MBD5: variants seen among roughly 807,000 people sequenced by gnomAD.
MBD5 encodes the protein methyl-CpG binding domain protein 5, also known as methyl-CpG-binding domain protein 5.
A neutral mutation model predicts 117.3 loss-of-function variants in MBD5; 13 were observed. The ratio of observed to expected loss-of-function variants is 0.11; its 90% CI spans 0.07 to 0.18. The LOEUF is 0.18. MBD5 is among the 10% of genes least tolerant of loss of function. The pLI, the probability that MBD5 is intolerant of heterozygous loss-of-function variation, is 1.00. For synonymous variants in MBD5, 727 were observed against 766.4 expected, an observed-to-expected ratio of 0.95 and a Z score of 0.85; for missense variants, 1,879 against 2,093.8, an observed-to-expected ratio of 0.90 and a Z score of 2.00.
intron 3 of MBD5, among the ~76,000 whole-genome samples, chr2:148,315,314 AC>A (rs1216474422): frequency 6.6e-6 from 1 of 152,198 alleles, no homozygotes; most frequent in Non-Finnish European, 1.5e-5. Flanking sequence ...AGCTGAAAGC[AC>A]CTCACCACAA....
intron 3 of MBD5, among the ~76,000 whole-genome samples, chr2:148,280,488 G>A (rs1701223922): frequency 6.6e-6 from 1 of 152,108 alleles, no homozygotes; most frequent in Non-Finnish European, 1.5e-5. Flanking sequence ...CTGAAGTGCA[G>A]TGGCACGATC....
intron 1 of MBD5, among the ~76,000 whole-genome samples, chr2:148,115,011 G>A (rs774057690): frequency 5.3e-5 from 8 of 151,944 alleles, no homozygotes; most frequent in Non-Finnish European, 1.2e-4. Context: ...TAAAGTATCT[G>A]CATATACATA....
intron 4 of MBD5, among the ~76,000 whole-genome samples, chr2:148,404,112 C>G (rs58702268): frequency 0.21 from 31,793 of 148,252 alleles, 4,041 homozygotes; most frequent in African/African-American, 0.35. Context: ...TTTTTATTGG[C>G]TGCTAGCATT....
Position 148,468,502 on chromosome 2 carries a change from C to A in MBD5, c.559C>A (p.Pro187Thr). 6.2e-7 allele frequency: 1 copy of A among 1,613,838 alleles called. No homozygotes were observed. Among genetic ancestry groups the A allele is most frequent in the Non-Finnish European group, 8.5e-7 (1 of 1,179,852 alleles). The stretch of plus-strand genomic sequence containing the variant: ...GGGAAGGCTATATGTACAAGAACTG[C>A]CTGGAAGCCAACAACAAGAACTCCA... Reference protein sequence around the residue: ...AMGRLYVQELPGSQQQELHPV... With the variant: ...AMGRLYVQELTGSQQQELHPV... Residue 187 changes from proline to threonine, a missense_variant, in exon 8 of 14, where the codon CCT becomes ACT. By Grantham distance (38) the Pro-to-Thr change is conservative. Around this residue, in one of 4 missense-constraint regions of MBD5, gnomAD observed 1,666 missense variants for 1,792.2 expected, o/e 0.93. Coordinates refer to ENST00000642680, the MANE Select transcript of MBD5 (RefSeq NM_001378120.1).
chr2:148,470,325 G>A lies in MBD5; in HGVS notation c.2382G>A (p.Gly794=). 6.2e-7 allele frequency: 1 copy of A among 1,613,916 alleles called. No homozygotes were observed. Among genetic ancestry groups the A allele is most frequent in the Non-Finnish European group, 8.5e-7 (1 of 1,179,898 alleles). ...INQIQASGNC[G]MLSQSGMALG... is the part of the protein sequence containing the mutation. ...AGATTCAGGCTAGCGGGAACTGTGGGATGCTCAGTCAGTCGGGCATGGCTT... is the reference window on the plus strand; with the variant it reads ...AGATTCAGGCTAGCGGGAACTGTGGAATGCTCAGTCAGTCGGGCATGGCTT... The change falls in exon 8 of 14, where the codon GGG becomes GGA. Residue 794 remains glycine (G), a synonymous_variant. Transcript: ENST00000642680.
chr2:148,209,557 G>C (rs972330487), intron 2 of MBD5, among the ~76,000 whole-genome samples: 1 of 151,260 alleles, frequency 6.6e-6, no homozygotes, highest in African/African-American at 2.4e-5. Context: ...CCAGTGTAAG[G>C]CACTTTGTTA....
At chr2:148,258,431 A>G (rs1486285699) in intron 3 of MBD5, among the ~76,000 whole-genome samples, 1 of 152,152 alleles carries the variant, frequency 6.6e-6, no homozygotes, top group East Asian at 1.9e-4. Context: ...CTGCACCGGT[A>G]TCCACCAGTG....
chr2:148,474,266 C>T (rs1324680885), intron 8 of MBD5, among the ~76,000 whole-genome samples: 1 of 152,156 alleles, frequency 6.6e-6, no homozygotes, highest in Non-Finnish European at 1.5e-5. Context: ...CTACTGCACA[C>T]CTGCTTACCA....
At chr2:148,267,084 G>C (rs973747598) in intron 3 of MBD5, among the ~76,000 whole-genome samples, 1 of 152,122 alleles carries the variant, frequency 6.6e-6, no homozygotes, top group Non-Finnish European at 1.5e-5. Context: ...AAACATGCAG[G>C]AGGTATGAGG....
At chr2:148,511,885 G>A (rs1385466650) in intron 13 of MBD5, among the ~76,000 whole-genome samples, 1 of 152,210 alleles carries the variant, frequency 6.6e-6, no homozygotes, top group African/African-American at 2.4e-5. Context: ...CTTTGCTGCT[G>A]TCTAAACATT....
At chr2:148,186,530 C>G (rs1698662060) in intron 2 of MBD5, among the ~76,000 whole-genome samples, 2 of 152,148 alleles carry the variant, frequency 1.3e-5, no homozygotes, top group African/African-American at 4.8e-5. Context: ...TTACCCAAAT[C>G]AAATTGCCCT....
At chr2:148,401,039 A>G (rs916035251) in intron 4 of MBD5, among the ~76,000 whole-genome samples, 6 of 152,194 alleles carry the variant, frequency 3.9e-5, no homozygotes, top group Non-Finnish European at 8.8e-5. Context: ...TTGAGATATC[A>G]TCTAGCTCTT....
chr2:148,499,395 T>G (rs1681804795), intron 11 of MBD5, among the ~76,000 whole-genome samples: 2 of 152,220 alleles, frequency 1.3e-5, no homozygotes, highest in Non-Finnish European at 1.5e-5. Flanking sequence ...GATTCTTAAA[T>G]GACATGAGTA....
At chr2:148,134,589 T>A in intron 1 of MBD5, among the ~76,000 whole-genome samples, 1 of 152,320 alleles carries the variant, frequency 6.6e-6, no homozygotes. Flanking sequence ...AGCTTAAGAA[T>A]GTTTAATTCC....
chr2:148,319,972 G>T (rs1702245975), intron 3 of MBD5, among the ~76,000 whole-genome samples: 1 of 152,134 alleles, frequency 6.6e-6, no homozygotes, highest in African/African-American at 2.4e-5. Flanking sequence ...AAGGGATGCT[G>T]AATTTTATTG....
At chr2:148,056,332 T>C (rs1211819347) in intron 1 of MBD5, among the ~76,000 whole-genome samples, 1 of 152,138 alleles carries the variant, frequency 6.6e-6, no homozygotes. Flanking sequence ...CTTATGCCTT[T>C]TATTTCTTCT....
At chr2:148,490,793 T>A (rs1681500928) in intron 11 of MBD5, 199 bp downstream of exon 11, 2 of 649,190 alleles carry the variant, frequency 3.1e-6, no homozygotes, top group South Asian at 3.9e-5. Flanking sequence ...AAGGGGTGAG[T>A]TGTAAAGCAT....
chr2:148,099,312 A>G (rs1251640671), intron 1 of MBD5, among the ~76,000 whole-genome samples: 1 of 152,206 alleles, frequency 6.6e-6, no homozygotes, highest in Non-Finnish European at 1.5e-5. Flanking sequence ...TTTATCTCCA[A>G]AAAGAAAATT....
chr2:148,252,559 C>T (rs909536141), intron 3 of MBD5, among the ~76,000 whole-genome samples: 1 of 152,062 alleles, frequency 6.6e-6, no homozygotes, highest in Non-Finnish European at 1.5e-5. Flanking sequence ...AAAACCTCTG[C>T]AAGTTAGTGG....
Sources: allele counts gnomAD v4.1 joint callset (sites outside exome capture counted in the v4.1 genomes callset), GRCh38; gene constraint gnomAD v4.1.1; regional missense constraint gnomAD v4.1.1; transcripts MANE v1.5; gene names NCBI Gene and HGNC (gene_info 2026-07-23, HGNC 2026-07-21).